MLF1: variants seen among roughly 807,000 people sequenced by gnomAD.
The protein encoded by MLF1 is myelodysplasia-myeloid leukemia factor 1.
In MLF1, 37 loss-of-function variants were observed where a neutral mutation model predicts 38.3. That is an observed-to-expected ratio of 0.96 (90% CI 0.74 to 1.27). MLF1 has a LOEUF of 1.27. Among genes scored for constraint, MLF1 ranks in the 50% most tolerant of loss-of-function variants. MLF1 has a pLI of 0.00. For synonymous variants in MLF1, 95 were observed against 106.5 expected (o/e 0.89, Z 0.66); for missense variants, 331 against 349.2 (o/e 0.95, Z 0.42).
chr3:158,605,514 A>G lies in MLF1; in HGVS notation c.*312A>G, dbSNP rs979316649. On this transcript the variant is annotated 3_prime_UTR_variant, in exon 8 of 8. Transcript: ENST00000466246. ...TTGTGTTGGCTAAATATTCTTTTAT[A>G]TTTATCAAGATTGATTGCAGAGCAG... 8.4e-6 allele frequency: 2 copies of G among 238,282 alleles called. No homozygotes were observed. Among genetic ancestry groups the G allele is most frequent in the African/African-American group, 2.2e-5 (1 of 45,010 alleles). 14.8% of individuals were successfully genotyped at this position (238,282 alleles called of 1,614,324 possible).
rs1353759335 is a variant in MLF1, at chr3:158,605,174, G to C, written c.824G>C (p.Gly275Ala). 1 of 1,613,500 alleles carries C rather than the reference G, an allele frequency of 6.2e-7. No individual in the cohort carries two copies. Among genetic ancestry groups the C allele is most frequent in the South Asian group, 1.1e-5 (1 of 90,912 alleles). ...TTGGGGGACAAACTCCACATCAAAG[G>C]CTCATCTGTGAAAAGCAACAAAAAA... ...NVLGDKLHIK[G>A]SSVKSNKK Residue 275 changes from glycine to alanine, a missense_variant, in exon 8 of 8, where the codon GGC becomes GCC. Physicochemically the swap from Gly to Ala is moderately conservative, Grantham distance 60. Coordinates refer to ENST00000466246, the MANE Select transcript of MLF1 (RefSeq NM_001369783.1).
rs115503653 is a variant in MLF1 at position 158,571,782 on chromosome 3, C to A, written c.47+435C>A. Among the ~76,000 whole-genome samples, 54 of 27,524 alleles carry A rather than the reference C, an allele frequency of 2.0e-3. 2 individuals carry two copies. Among genetic ancestry groups the A allele is most frequent in the African/African-American group, 8.8e-3 (50 of 5,660 alleles). 18.1% of individuals were successfully genotyped at this position (27,524 alleles called of 152,430 possible). A position where few individuals can be genotyped will look rare whatever the true frequency, so the allele number is the denominator to read the frequency against. On this transcript the variant is annotated intron_variant, in intron 1 of 7. Transcript: ENST00000466246. ...AGGTGGGAGGGAGGAGGGTTGAGGG[C>A]GTGAGGTGAGGGGAAGGGTTGAGGG...
At chr3:158,576,459 T>TA (rs1715439995) in intron 1 of MLF1, among the ~76,000 whole-genome samples, 1 of 152,188 alleles carries the variant, frequency 6.6e-6, no homozygotes, top group African/African-American at 2.4e-5. Context: ...TCCTGTACCC[T>TA]AAAAAACATC....
Position 158,600,047 on chromosome 3 carries a change from G to T in MLF1, c.487G>T (p.Asp163Tyr). 6.9e-7 allele frequency: 1 copy of T among 1,442,782 alleles called. No individual in the cohort carries two copies. Among genetic ancestry groups the T allele is most frequent in the South Asian group, 1.8e-5 (1 of 55,098 alleles). 89.4% of individuals were successfully genotyped at this position (1,442,782 alleles called of 1,614,324 possible). A position where few individuals can be genotyped will look rare whatever the true frequency, so the allele number is the denominator to read the frequency against. The change falls in exon 6 of 8, where the codon GAC becomes TAC. Residue 163 changes from aspartate (D) to tyrosine (Y), a missense_variant. Transcript: ENST00000466246. ...KETRKAMRDS[D>Y]SGLEKMAIGH... Reference sequence around the variant, plus strand: ...AACCAGGAAAGCAATGAGAGATTCTGACAGTGGACTAGAAAAAATGGCTAT... The same window carrying T: ...AACCAGGAAAGCAATGAGAGATTCTTACAGTGGACTAGAAAAAATGGCTAT...
At chr3:158,594,215 G>A (rs1413635899) in intron 3 of MLF1, among the ~76,000 whole-genome samples, 1 of 152,100 alleles carries the variant, frequency 6.6e-6, no homozygotes, top group Non-Finnish European at 1.5e-5. Flanking sequence ...TGCTATGGGA[G>A]CACAGATGGA....
chr3:158,581,819 C>G (rs766618246), intron 1 of MLF1, among the ~76,000 whole-genome samples: 1 of 152,074 alleles, frequency 6.6e-6, no homozygotes, highest in Non-Finnish European at 1.5e-5. Flanking sequence ...AAGCAGACAA[C>G]GTGCTAGAAC....
chr3:158,596,129 T>C (rs528994425), intron 3 of MLF1, among the ~76,000 whole-genome samples: 1 of 152,250 alleles, frequency 6.6e-6, no homozygotes, highest in Admixed American at 6.5e-5. Flanking sequence ...ATGCTAGTTA[T>C]ATGCTCTCTT....
At chr3:158,602,241 T>G (rs1056958040) in intron 6 of MLF1, among the ~76,000 whole-genome samples, 1 of 152,198 alleles carries the variant, frequency 6.6e-6, no homozygotes, top group Non-Finnish European at 1.5e-5. Flanking sequence ...ATAATCAACA[T>G]TTTGATGAAA....
intron 1 of MLF1, among the ~76,000 whole-genome samples, chr3:158,581,489 G>C (rs906704466): frequency 9.2e-5 from 14 of 152,098 alleles, no homozygotes; most frequent in Non-Finnish European, 1.3e-4. Flanking sequence ...CTGGAGGGGA[G>C]GACTAAGGCA....
In MLF1 at chr3:158,577,162, A is replaced by G. The variant is rs556309388; in HGVS notation, c.47+5815A>G. Among the ~76,000 whole-genome samples, 32 of 152,296 alleles carry G rather than the reference A, an allele frequency of 2.1e-4. No individual in the cohort carries two copies. The South Asian group carries it at 6.6e-3, about 32-fold the overall frequency. On this transcript the variant is annotated intron_variant, in intron 1 of 7. Coordinates refer to ENST00000466246, the MANE Select transcript of MLF1 (RefSeq NM_001369783.1). ...TTTTACAAATTTGTATTTATTTTAT[A>G]CTTGGAAGTAGTTGGATTTATTAAA... is the stretch of plus-strand genomic sequence containing the variant.
chr3:158,578,232 A>G (rs766767168), intron 1 of MLF1, among the ~76,000 whole-genome samples: 1 of 152,162 alleles, frequency 6.6e-6, no homozygotes, highest in Non-Finnish European at 1.5e-5. Flanking sequence ...ACTACCATGT[A>G]TAATGGAAGG....
chr3:158,588,618 A>AGC (rs1560103369), intron 1 of MLF1, among the ~76,000 whole-genome samples: 2 of 97,712 alleles, frequency 2.0e-5, no homozygotes, highest in Non-Finnish European at 2.0e-5. Flanking sequence ...AAAAAAAAAA[A>AGC]AAAAAAGCAG....
chr3:158,585,181 G>C (rs1266974223), intron 1 of MLF1, among the ~76,000 whole-genome samples: 1 of 152,104 alleles, frequency 6.6e-6, no homozygotes, highest in East Asian at 1.9e-4. Context: ...TGGGAGGGTG[G>C]ATCCTTCATT....
At chr3:158,582,695 A>G in intron 1 of MLF1, 1 of 478,702 alleles carries the variant, frequency 2.1e-6, no homozygotes, top group African/African-American at 2.0e-5. Context: ...GAAATATATA[A>G]AGTGTTGAGA....
intron 6 of MLF1, among the ~76,000 whole-genome samples, chr3:158,600,606 T>C (rs1193593971): frequency 6.6e-6 from 1 of 151,682 alleles, no homozygotes; most frequent in Non-Finnish European, 1.5e-5. Context: ...CAAATTATTA[T>C]TCTACTTTTA....
chr3:158,601,484 C>T (rs1168219483), intron 6 of MLF1, among the ~76,000 whole-genome samples: 5 of 152,138 alleles, frequency 3.3e-5, no homozygotes, highest in Admixed American at 6.6e-5. Context: ...GCAGGAGAAT[C>T]GCTTGAACCC....
chr3:158,589,034 C>A lies in MLF1; in HGVS notation c.48-3400C>A, dbSNP rs770055966. 8.2e-4 allele frequency: 319 copies of A among 388,544 alleles called. 3 individuals carry two copies. Among genetic ancestry groups the A allele is most frequent in the Non-Finnish European group, 1.3e-3 (257 of 195,062 alleles). The allele number at this position is 388,544 out of a possible 1,614,324, so 24.1% of individuals were successfully genotyped here. A position where few individuals can be genotyped will look rare whatever the true frequency, so the allele number is the denominator to read the frequency against. On this transcript the variant is annotated intron_variant, in intron 1 of 7. Transcript: ENST00000466246. ...TCACTAAGGAGGAACTTCAAGACTG[C>A]AGGCATTGGTTGCAGTGGAGATTTT...
chr3:158,592,943 T>C (rs1560106455), intron 2 of MLF1, among the ~76,000 whole-genome samples: 1 of 152,152 alleles, frequency 6.6e-6, no homozygotes, highest in Non-Finnish European at 1.5e-5. Context: ...TTTTAATACT[T>C]GAAAATAGTA....
chr3:158,599,987 A>G, intron 5 of MLF1, 27 bp from the exon 6 acceptor site: 1 of 1,141,576 alleles, frequency 8.8e-7, no homozygotes, highest in Non-Finnish European at 1.1e-6. Context: ...ATATTTAAAT[A>G]ATAATAAAAT....
Sources: gnomAD v4.1 joint callset for allele counts (sites outside exome capture counted in the v4.1 genomes callset) on GRCh38, gnomAD v4.1.1 for gene constraint, MANE v1.5 for transcripts, NCBI Gene and HGNC (gene_info 2026-07-23, HGNC 2026-07-21) for gene names.